CLPB: variants seen among roughly 807,000 people sequenced by gnomAD.
CLPB encodes mitochondrial disaggregase.
Under a neutral mutation model 78.4 loss-of-function variants are expected in CLPB, and 40 were observed. The ratio of observed to expected loss-of-function variants is 0.51; its 90% confidence interval spans 0.40 to 0.66. The LOEUF (loss-of-function observed/expected upper bound fraction) is 0.66. CLPB is among the 30% of genes least tolerant of loss of function. The pLI is 0.00. For synonymous variants in CLPB, 333 were observed against 348.0 expected, an observed-to-expected ratio of 0.96 and a Z score of 0.48; for missense variants, 780 against 886.9, an observed-to-expected ratio of 0.88 and a Z score of 1.53.
chr11:72,420,774 T>G (rs1434201299), intron 2 of CLPB, among the ~76,000 whole-genome samples: 2 of 152,186 alleles, frequency 1.3e-5, no homozygotes, highest in African/African-American at 4.8e-5. Flanking sequence ...GAAATTTTCG[T>G]TTTTTAAAGC....
intron 6 of CLPB, among the ~76,000 whole-genome samples, chr11:72,320,925 C>G (rs1238304886): frequency 6.6e-6 from 1 of 152,086 alleles, no homozygotes; most frequent in Non-Finnish European, 1.5e-5. Context: ...GTTGGCCAGG[C>G]TGGTCTTGAA....
At chr11:72,422,939 C>T (rs139630795) in intron 2 of CLPB, among the ~76,000 whole-genome samples, 3 of 152,302 alleles carry the variant, frequency 2.0e-5, no homozygotes, top group South Asian at 2.1e-4. Flanking sequence ...CATCCAGGGA[C>T]GAGAACCAAA....
chr11:72,297,048 T>C (rs1949563911), intron 11 of CLPB, among the ~76,000 whole-genome samples: 1 of 152,228 alleles, frequency 6.6e-6, no homozygotes. Flanking sequence ...CGACAGAATT[T>C]TCTCAGAATT....
intron 5 of CLPB, chr11:72,357,044 T>G (rs1950731666): frequency 6.6e-6 from 1 of 152,232 alleles, no homozygotes; most frequent in African/African-American, 2.4e-5. Flanking sequence ...CAGCAAGTTC[T>G]CGCTCCAGAA....
rs544341004 is a variant in CLPB, at chr11:72,379,202, C to T, written c.646+1079G>A. 2.0e-5 allele frequency among the ~76,000 whole-genome samples: 3 copies of T among 152,282 alleles called. No homozygotes were observed. In the South Asian group the frequency reaches 6.2e-4, roughly 32 times the overall value. ...CTCTGAAGGCTGAGCACATTGCTCC[C>T]CTTGGCTGAATTTCCCCCAGCGTCA... On this transcript the variant is annotated intron_variant, in intron 4 of 15. Transcript: ENST00000538039.
At chr11:72,331,255 T>G (rs889280105) in intron 5 of CLPB, among the ~76,000 whole-genome samples, 48 of 151,716 alleles carry the variant, frequency 3.2e-4, no homozygotes, top group African/African-American at 1.1e-3. Context: ...ATACAAAACA[T>G]TAGCCGGGCG....
chr11:72,294,752 G>T (rs1353110755), intron 12 of CLPB, 59 bp from the exon 13 acceptor site: 3 of 1,417,588 alleles, frequency 2.1e-6, no homozygotes, highest in Non-Finnish European at 3.0e-6. Flanking sequence ...TGGGGGCTGT[G>T]CCTGCCCCTT....
At chr11:72,367,223 A>G (rs1950961398) in intron 4 of CLPB, among the ~76,000 whole-genome samples, 2 of 152,080 alleles carry the variant, frequency 1.3e-5, no homozygotes, top group Non-Finnish European at 2.9e-5. Context: ...GAGTGCAGTG[A>G]CACAATCTAG....
chr11:72,289,967 CTCTG>C lies in CLPB; in HGVS notation c.*3396_*3399del, dbSNP rs1949432584. ...ACATATATACATATATGTTTTCTAGCTCTGTCTGCTGAGCAGGCCTACAAGCAAT... is the reference window on the plus strand; with the variant it reads ...ACATATATACATATATGTTTTCTAGCTCTGCTGAGCAGGCCTACAAGCAAT... On this transcript the variant is annotated 3_prime_UTR_variant, in exon 16 of 16. Transcript: ENST00000538039. 2.0e-5 allele frequency: 3 copies of C among 152,168 alleles called. No homozygotes were observed. Among genetic ancestry groups the C allele is most frequent in the African/African-American group, 4.8e-5 (2 of 41,424 alleles). The allele number at this position is 152,168 out of a possible 1,614,324, so 9.4% of individuals were successfully genotyped here.
intron 2 of CLPB, among the ~76,000 whole-genome samples, chr11:72,416,398 T>A (rs1469744265): frequency 6.6e-6 from 1 of 152,128 alleles, no homozygotes; most frequent in African/African-American, 2.4e-5. Context: ...TCCCCCTCAA[T>A]GCCTAATAAG....
chr11:72,356,071 C>T (rs560293718), intron 5 of CLPB, among the ~76,000 whole-genome samples: 73 of 152,136 alleles, frequency 4.8e-4, no homozygotes, highest in African/African-American at 1.2e-3. Context: ...CACCTGAGAT[C>T]GGGAGTTTGA....
chr11:72,404,228 G>A lies in CLPB; in HGVS notation c.456-1176C>T, dbSNP rs376130203. Among the ~76,000 whole-genome samples the A allele has an allele frequency of 6.6e-5, 10 of 152,316 alleles. No homozygotes were observed. The East Asian group carries it at 9.7e-4, about 15-fold the overall frequency. ...CCTGCTAGATTCTGGATGAGGGTGA[G>A]GAGAAGACATGGCTCAAGACAGCAT... On this transcript the variant is annotated intron_variant, in intron 2 of 15. Coordinates refer to ENST00000538039, the MANE Select transcript of CLPB (RefSeq NM_001258392.3).
At chr11:72,322,050 G>A (rs1950053664) in intron 6 of CLPB, among the ~76,000 whole-genome samples, 1 of 152,126 alleles carries the variant, frequency 6.6e-6, no homozygotes, top group African/African-American at 2.4e-5. Context: ...AAGAAGTCTA[G>A]GGGATGCAGA....
At position 72,312,777 on chromosome 11, in the gene CLPB, C is replaced by T. The variant is rs578078134; in HGVS notation, c.989-4173G>A. Among the ~76,000 whole-genome samples the T allele has an allele frequency of 2.6e-5, 4 of 152,226 alleles. No homozygotes were observed. Among genetic ancestry groups the T allele is most frequent in the East Asian group, 1.9e-4 (1 of 5,178 alleles). On this transcript the variant is annotated intron_variant, in intron 7 of 15. Transcript: ENST00000538039. This position sits in a 1 kb window ranked among gnomAD's most constrained non-coding sequence, Gnocchi z 4.2. ...TAGCAAAAAAGCTCTGTGCTAGGTG[C>T]GGCGGCTCTCACAAAGAGGCCTCAA...
chr11:72,429,508 A>G (rs1856482505), intron 2 of CLPB, among the ~76,000 whole-genome samples: 1 of 152,238 alleles, frequency 6.6e-6, no homozygotes, highest in African/African-American at 2.4e-5. Flanking sequence ...TCTAACATGC[A>G]GACATGATGG....
chr11:72,296,617 T>C (rs1218522579), intron 11 of CLPB, among the ~76,000 whole-genome samples: 1 of 152,140 alleles, frequency 6.6e-6, no homozygotes, highest in African/African-American at 2.4e-5. Context: ...GAGCAAGCAA[T>C]AGAGTGACAA....
In CLPB at chr11:72,287,122, G is replaced by C. The variant is rs752824346; in HGVS notation, c.*6245C>G. Reference sequence around the variant, plus strand: ...TGGGATTTTTGCATCTATGGCCATAGGTGAGATTAGGCTATAGCATTCTTT... The same window carrying C: ...TGGGATTTTTGCATCTATGGCCATACGTGAGATTAGGCTATAGCATTCTTT... On this transcript the variant is annotated 3_prime_UTR_variant, in exon 16 of 16. Transcript: ENST00000538039. The C allele has an allele frequency of 6.6e-6, 1 of 152,052 alleles. No individual in the cohort carries two copies. The highest frequency in any genetic ancestry group is 6.5e-5 in the Admixed American group (1 of 15,268). The allele number at this position is 152,052 out of a possible 1,614,324, so 9.4% of individuals were successfully genotyped here.
intron 4 of CLPB, among the ~76,000 whole-genome samples, chr11:72,369,230 C>G (rs1439141578): frequency 6.6e-6 from 1 of 152,132 alleles, no homozygotes; most frequent in African/African-American, 2.4e-5. Context: ...TTCACACCAC[C>G]AAATTCATAA....
At chr11:72,422,278 A>AG (rs1258417130) in intron 2 of CLPB, among the ~76,000 whole-genome samples, 1 of 150,812 alleles carries the variant, frequency 6.6e-6, no homozygotes, top group African/African-American at 2.4e-5. Context: ...AAAAAAAAAA[A>AG]AAAAAAAAAA....
Sources: gnomAD v4.1 joint callset for allele counts (sites outside exome capture counted in the v4.1 genomes callset) on GRCh38, gnomAD v4.1.1 for gene constraint, Gnocchi (gnomAD v3.1) non-coding constraint, MANE v1.5 for transcripts, NCBI Gene and HGNC (gene_info 2026-07-23, HGNC 2026-07-21) for gene names.